FHOD3: variants seen among roughly 807,000 people sequenced by gnomAD.
The protein encoded by FHOD3 is formin homology 2 domain containing 3, also known as FH1/FH2 domain-containing protein 3.
In FHOD3, 90 loss-of-function variants were observed where a neutral mutation model predicts 173.0. The observed-to-expected ratio is 0.52, with a 90% CI of 0.44 to 0.62. The LOEUF (loss-of-function observed/expected upper bound fraction) is 0.62. Among genes scored for constraint, FHOD3 ranks in the 20% least tolerant of loss-of-function variants. The pLI is 0.00. For missense variants in FHOD3, 1,945 were observed against 2,034.7 expected (o/e 0.96, Z 0.85); for synonymous variants, 828 against 823.0 (o/e 1.01, Z -0.10).
chr18:36,647,569 C>T (rs1385252725), intron 10 of FHOD3, among the ~76,000 whole-genome samples: 2 of 152,126 alleles, frequency 1.3e-5, no homozygotes, highest in Non-Finnish European at 2.9e-5. Context: ...CCAAGCATAT[C>T]TTATGACCCA....
chr18:36,363,067 T>C (rs1175265396), intron 2 of FHOD3, among the ~76,000 whole-genome samples: 2 of 152,130 alleles, frequency 1.3e-5, no homozygotes, highest in African/African-American at 4.8e-5. Context: ...GTCAATATAA[T>C]GTAAAATGTA....
At chr18:36,760,523 C>CT in intron 26 of FHOD3, 85 bp from the exon 27 acceptor site, 1 of 1,316,108 alleles carries the variant, frequency 7.6e-7, no homozygotes, top group Admixed American at 2.6e-5. Context: ...AGGAGAGGAG[C>CT]TTTTCCTCAA....
chr18:36,676,287 GTTTCT>G (rs2037851734), intron 14 of FHOD3, among the ~76,000 whole-genome samples: 1 of 152,138 alleles, frequency 6.6e-6, no homozygotes, highest in Non-Finnish European at 1.5e-5. Flanking sequence ...ATAGAATATG[GTTTCT>G]TTTCTTCAGT....
At chr18:36,507,525 A>T (rs546196994) in intron 4 of FHOD3, among the ~76,000 whole-genome samples, 1 of 152,188 alleles carries the variant, frequency 6.6e-6, no homozygotes, top group Non-Finnish European at 1.5e-5. Context: ...TGTCTTGAGT[A>T]CGGTAGTCTG....
intron 3 of FHOD3, among the ~76,000 whole-genome samples, chr18:36,458,947 T>C (rs530996753): frequency 6.6e-6 from 1 of 152,346 alleles, no homozygotes; most frequent in Admixed American, 6.5e-5. Flanking sequence ...CATTTGACTA[T>C]GTTGCCTTTT....
At chr18:36,473,750 A>G (rs1012811183) in intron 3 of FHOD3, among the ~76,000 whole-genome samples, 1 of 152,344 alleles carries the variant, frequency 6.6e-6, no homozygotes, top group East Asian at 1.9e-4. Flanking sequence ...ATATTTTCAC[A>G]TCATCTTTCA....
At chr18:36,687,614 C>A (rs2038709222) in intron 16 of FHOD3, among the ~76,000 whole-genome samples, 1 of 152,154 alleles carries the variant, frequency 6.6e-6, no homozygotes, top group Non-Finnish European at 1.5e-5. Flanking sequence ...TGGTCACTTA[C>A]CTGTCTCCCT....
intron 8 of FHOD3, among the ~76,000 whole-genome samples, chr18:36,603,970 G>A (rs1015552603): frequency 5.9e-5 from 9 of 152,180 alleles, no homozygotes; most frequent in African/African-American, 2.2e-4. Flanking sequence ...GGTCCCACTT[G>A]TCTCACGTGA....
At chr18:36,511,327 G>C (rs947331679) in intron 4 of FHOD3, among the ~76,000 whole-genome samples, 2 of 151,390 alleles carry the variant, frequency 1.3e-5, no homozygotes, top group African/African-American at 4.9e-5. Flanking sequence ...GACTGGGTTT[G>C]GGTCTGGCTA....
At chr18:36,467,987 A>G (rs73947164) in intron 3 of FHOD3, among the ~76,000 whole-genome samples, 15,666 of 152,280 alleles carry the variant, frequency 0.1, 1,662 homozygotes, top group East Asian at 0.27. Flanking sequence ...GTCTGAAGGC[A>G]GACGGTAGGT....
intron 3 of FHOD3, among the ~76,000 whole-genome samples, chr18:36,449,237 T>C (rs2051680507): frequency 1.3e-5 from 2 of 152,118 alleles, no homozygotes; most frequent in African/African-American, 4.8e-5. Context: ...TTAAAGGCAA[T>C]TCTGGTTTGA....
intron 27 of FHOD3, among the ~76,000 whole-genome samples, chr18:36,763,025 CTT>C (rs1400240819): frequency 4.2e-5 from 6 of 143,354 alleles, no homozygotes; most frequent in South Asian, 2.2e-4. Flanking sequence ...GTATTATACA[CTT>C]TATATATAAT....
At chr18:36,418,293 T>C (rs1003141431) in intron 3 of FHOD3, among the ~76,000 whole-genome samples, 4 of 152,240 alleles carry the variant, frequency 2.6e-5, no homozygotes, top group African/African-American at 9.6e-5. Context: ...AGGAATTTTT[T>C]AGAGGTTATT....
intron 1 of FHOD3, among the ~76,000 whole-genome samples, chr18:36,319,252 G>A (rs887755474): frequency 1.3e-5 from 2 of 152,122 alleles, no homozygotes; most frequent in Non-Finnish European, 2.9e-5. Context: ...ACACACATAG[G>A]CTCAAAATAA....
At chr18:36,631,650 G>A (rs1057020764) in intron 10 of FHOD3, among the ~76,000 whole-genome samples, 1 of 152,176 alleles carries the variant, frequency 6.6e-6, no homozygotes, top group Non-Finnish European at 1.5e-5. Flanking sequence ...TGTGACAGGA[G>A]GGGAAGCTGA....
chr18:36,588,812 C>A (rs2059121331), intron 6 of FHOD3, among the ~76,000 whole-genome samples: 1 of 152,160 alleles, frequency 6.6e-6, no homozygotes, highest in African/African-American at 2.4e-5. Context: ...TCTAGATACA[C>A]AGGTTCTGTA....
intron 5 of FHOD3, among the ~76,000 whole-genome samples, chr18:36,532,250 A>C (rs995689890): frequency 4.6e-5 from 7 of 152,124 alleles, no homozygotes; most frequent in African/African-American, 1.7e-4. Context: ...TTTCTCAGTG[A>C]GTGTTCGGGG....
chr18:36,368,328 G>C lies in FHOD3; in HGVS notation c.273-4352G>C, dbSNP rs568744601. On this transcript the variant is annotated intron_variant, in intron 2 of 28. Coordinates refer to ENST00000590592, the MANE Select transcript of FHOD3 (RefSeq NM_001281740.3). ...GTATGTATGAGTTCAGAAAATAATA[G>C]TCTAAAGATGCAAATCTTGAGAGGT... 1.6e-4 allele frequency among the ~76,000 whole-genome samples: 25 copies of C among 152,220 alleles called. 1 individual carries two copies. The highest frequency in any genetic ancestry group is 5.3e-4 in the African/African-American group (22 of 41,528).
intron 25 of FHOD3, among the ~76,000 whole-genome samples, chr18:36,758,731 G>C (rs2042737896): frequency 6.6e-6 from 1 of 152,216 alleles, no homozygotes; most frequent in African/African-American, 2.4e-5. Flanking sequence ...GCCGTGATGG[G>C]TTCATAAGGA....
Sources: allele counts gnomAD v4.1 joint callset (sites outside exome capture counted in the v4.1 genomes callset), GRCh38; gene constraint gnomAD v4.1.1; transcripts MANE v1.5; gene names NCBI Gene and HGNC (gene_info 2026-07-23, HGNC 2026-07-21).